ABCB5: variants seen among roughly 807,000 people sequenced by gnomAD.
The protein encoded by ABCB5 is ATP-binding cassette sub-family B member 5.
ABCB5 carries 155 observed loss-of-function variants against 144.2 expected under a neutral mutation model. The ratio of observed to expected loss-of-function variants is 1.08; its 90% CI spans 0.94 to 1.23. The LOEUF (loss-of-function observed/expected upper bound fraction) is 1.23. Among genes scored for constraint, ABCB5 ranks in the 50% most tolerant of loss-of-function variants. The probability of loss-of-function intolerance (pLI) is 0.00; values close to 1 mark genes in which losing one functional copy is unlikely to be tolerated. For synonymous variants in ABCB5, 610 were observed against 528.6 expected (o/e 1.15, Z -2.11); for missense variants, 1,830 against 1,520.8 (o/e 1.20, Z -3.38).
At chr7:20,632,136 T>C in intron 5 of ABCB5, 23 bp downstream of exon 5, 1 of 1,459,464 alleles carries the variant, frequency 6.9e-7, no homozygotes, top group Non-Finnish European at 9.2e-7. Flanking sequence ...GAAACGTTAA[T>C]ATCACATTCG....
chr7:20,661,190 T>C (rs971700270), intron 14 of ABCB5, among the ~76,000 whole-genome samples: 3 of 152,216 alleles, frequency 2.0e-5, no homozygotes, highest in African/African-American at 7.2e-5. Context: ...CCACATTCCT[T>C]ACAGTAAGCA....
At chr7:20,653,090 T>C (rs1784655940) in intron 13 of ABCB5, among the ~76,000 whole-genome samples, 1 of 152,224 alleles carries the variant, frequency 6.6e-6, no homozygotes, top group South Asian at 2.1e-4. Flanking sequence ...TTTGCCCCTT[T>C]CAATGACTTC....
At chr7:20,748,339 G>T (rs1782795005) in intron 26 of ABCB5, among the ~76,000 whole-genome samples, 1 of 148,462 alleles carries the variant, frequency 6.7e-6, no homozygotes. Context: ...GTAATTTGTT[G>T]TACTTCCTTC....
At chr7:20,628,581 C>A in intron 3 of ABCB5, 107 bp from the exon 4 acceptor site, 1 of 1,120,436 alleles carries the variant, frequency 8.9e-7, no homozygotes, top group South Asian at 1.7e-5. Flanking sequence ...TGTATAAAGT[C>A]ATGTTTACTA....
chr7:20,676,003 A>T (rs1157067407), intron 14 of ABCB5, among the ~76,000 whole-genome samples: 4 of 152,128 alleles, frequency 2.6e-5, no homozygotes, highest in South Asian at 4.1e-4. Context: ...CTATTGTTAA[A>T]AAATAAATAA....
chr7:20,661,303 T>C (rs5011445), intron 14 of ABCB5, among the ~76,000 whole-genome samples: 16,243 of 152,172 alleles, frequency 0.11, 1,045 homozygotes, highest in South Asian at 0.19. Context: ...CACTTTTCAT[T>C]AGCTAACACA....
intron 23 of ABCB5, among the ~76,000 whole-genome samples, chr7:20,729,090 A>T (rs560242712): frequency 6.6e-6 from 1 of 152,360 alleles, no homozygotes; most frequent in South Asian, 2.1e-4. Context: ...TTTATGGGGT[A>T]CAATGGGATG....
intron 14 of ABCB5, among the ~76,000 whole-genome samples, chr7:20,669,202 G>C (rs1314037300): frequency 1.4e-5 from 2 of 146,180 alleles, no homozygotes; most frequent in African/African-American, 2.5e-5. Context: ...CCCTCTGCCC[G>C]GCCACGACCC....
intron 1 of ABCB5, among the ~76,000 whole-genome samples, chr7:20,621,822 G>T (rs1174063274): frequency 6.6e-6 from 1 of 152,154 alleles, no homozygotes; most frequent in Non-Finnish European, 1.5e-5. Context: ...CAAATGTGCT[G>T]TTGACTTGTT....
intron 14 of ABCB5, among the ~76,000 whole-genome samples, chr7:20,678,222 T>C (rs2128037897): frequency 6.6e-6 from 1 of 152,348 alleles, no homozygotes; most frequent in Admixed American, 6.5e-5. Flanking sequence ...ACAGGTAGCA[T>C]TATATCATAC....
intron 4 of ABCB5, among the ~76,000 whole-genome samples, chr7:20,629,471 A>C (rs1783985120): frequency 6.6e-6 from 1 of 152,132 alleles, no homozygotes; most frequent in South Asian, 2.1e-4. Flanking sequence ...CTTTAAAAAG[A>C]AGAAATCAAG....
chr7:20,745,715 A>G (rs1450183341), intron 26 of ABCB5, among the ~76,000 whole-genome samples: 1 of 152,250 alleles, frequency 6.6e-6, no homozygotes. Context: ...GCTGGTCCAC[A>G]CTATGACCTC....
At chr7:20,753,087 T>C (rs1170635056) in intron 26 of ABCB5, among the ~76,000 whole-genome samples, 2 of 152,184 alleles carry the variant, frequency 1.3e-5, no homozygotes, top group African/African-American at 2.4e-5. Flanking sequence ...CAGTAATTTT[T>C]TTCTTATGCT....
intron 14 of ABCB5, chr7:20,659,198 A>G (rs1281202107): frequency 6.2e-7 from 1 of 1,608,696 alleles, no homozygotes; most frequent in East Asian, 2.2e-5. Flanking sequence ...GCTACTGCAC[A>G]TACCTCAAGG....
In ABCB5 at chr7:20,712,752, T is replaced by C. The variant is rs191717797; in HGVS notation, c.2421+7945T>C. 4.9e-3 allele frequency among the ~76,000 whole-genome samples: 730 copies of C among 149,746 alleles called. 59 individuals carry two copies. Among genetic ancestry groups the C allele is most frequent in the African/African-American group, 0.017 (696 of 40,594 alleles). On this transcript the variant is annotated intron_variant, in intron 20 of 27. Transcript: ENST00000404938. ...ATCTCTTAACTATTCTAATATGTAGTATATACATTGGTAGTAGCTTTTTAA... is the reference window on the plus strand; with the variant it reads ...ATCTCTTAACTATTCTAATATGTAGCATATACATTGGTAGTAGCTTTTTAA...
intron 26 of ABCB5, among the ~76,000 whole-genome samples, chr7:20,746,190 C>T (rs916783606): frequency 6.6e-6 from 1 of 152,130 alleles, no homozygotes; most frequent in Non-Finnish European, 1.5e-5. Context: ...CTCCACCTCC[C>T]GTGTTCAAGC....
intron 14 of ABCB5, among the ~76,000 whole-genome samples, chr7:20,679,471 CAAAAAA>C (rs768696376): frequency 5.0e-4 from 30 of 59,446 alleles, no homozygotes; most frequent in Admixed American, 1.4e-3. Flanking sequence ...AACTCCATCT[CAAAAAA>C]AAAAAAAAAG....
intron 23 of ABCB5, among the ~76,000 whole-genome samples, chr7:20,735,266 A>C (rs982900651): frequency 6.6e-6 from 1 of 152,230 alleles, no homozygotes; most frequent in Non-Finnish European, 1.5e-5. Flanking sequence ...GCAGTTCTTG[A>C]CAAGAAACCA....
chr7:20,619,916 C>G (rs1242163341), intron 1 of ABCB5, among the ~76,000 whole-genome samples: 1 of 152,092 alleles, frequency 6.6e-6, no homozygotes, highest in African/African-American at 2.4e-5. Flanking sequence ...TATCCCAGCA[C>G]CATTTTTTGG....
Sources: allele counts gnomAD v4.1 joint callset (sites outside exome capture counted in the v4.1 genomes callset), GRCh38; gene constraint gnomAD v4.1.1; transcripts MANE v1.5; gene names NCBI Gene and HGNC (gene_info 2026-07-23, HGNC 2026-07-21).